The following ZBTB44 variants were observed in gnomAD, a reference collection of about 807,000 sequenced individuals.
The protein encoded by ZBTB44 is zinc finger and BTB domain containing 44.
A neutral mutation model predicts 54.0 loss-of-function variants in ZBTB44; 15 were observed. The observed-to-expected ratio is 0.28, with a 90% CI of 0.19 to 0.43. ZBTB44 has a LOEUF of 0.43. ZBTB44 is among the 20% of genes least tolerant of loss of function. The probability of loss-of-function intolerance (pLI) is 1.00; values close to 1 mark genes in which losing one functional copy is unlikely to be tolerated. For synonymous variants in ZBTB44, 230 were observed against 250.1 expected (o/e 0.92, Z 0.76); for missense variants, 487 against 707.1 (o/e 0.69, Z 3.53).
intron 1 of ZBTB44, among the ~76,000 whole-genome samples, chr11:130,312,062 A>C (rs1189142554): frequency 6.6e-6 from 1 of 152,244 alleles, no homozygotes; most frequent in African/African-American, 2.4e-5. Context: ...CCAGCTCTTT[A>C]CTATGAATAT....
chr11:130,233,727 G>A (rs1422209636), intron 6 of ZBTB44: 62 of 1,171,294 alleles, frequency 5.3e-5, no homozygotes, highest in Non-Finnish European at 5.7e-5. Context: ...GAAGGAACTG[G>A]TATATGTTTT....
At chr11:130,288,946 A>C (rs1237558087) in intron 1 of ZBTB44, among the ~76,000 whole-genome samples, 1 of 152,070 alleles carries the variant, frequency 6.6e-6, no homozygotes, top group African/African-American at 2.4e-5. Flanking sequence ...AGGAATTTGT[A>C]GACAAGAACT....
At chr11:130,271,741 G>A (rs957172270) in intron 1 of ZBTB44, among the ~76,000 whole-genome samples, 1 of 152,120 alleles carries the variant, frequency 6.6e-6, no homozygotes, top group Admixed American at 6.6e-5. Flanking sequence ...GACACGAGTT[G>A]TTTCCAGTTT....
intron 1 of ZBTB44, chr11:130,295,977 C>T (rs1379515205): frequency 5.8e-6 from 9 of 1,544,082 alleles, no homozygotes; most frequent in South Asian, 1.1e-5. Flanking sequence ...CCACACCAGG[C>T]CGTCTGCTGT....
rs1006051903 is a variant in ZBTB44 at position 130,228,276 on chromosome 11, A to G, written c.*3488T>C. The G allele has an allele frequency of 6.6e-6, 1 of 152,242 alleles. No individual in the cohort carries two copies. The highest frequency in any genetic ancestry group is 1.5e-5 in the Non-Finnish European group (1 of 68,044). The allele number at this position is 152,242 out of a possible 1,614,324, so 9.4% of individuals were successfully genotyped here. On this transcript the variant is annotated 3_prime_UTR_variant, in exon 8 of 8. Coordinates refer to ENST00000357899, the MANE Select transcript of ZBTB44 (RefSeq NM_001301098.2). ...CCTTGAGATATAAGCATTAGAAGTC[A>G]TCACTTTGTACAAGGAAGAAAATGA... is the stretch of plus-strand genomic sequence containing the variant.
At chr11:130,240,328 C>T (rs564556) in intron 2 of ZBTB44, among the ~76,000 whole-genome samples, 1 of 151,860 alleles carries the variant, frequency 6.6e-6, no homozygotes, top group African/African-American at 2.4e-5. Context: ...GCGTGAGCCA[C>T]CGCACCCAGC....
chr11:130,256,306 C>T (rs1938440956), intron 2 of ZBTB44, among the ~76,000 whole-genome samples: 2 of 152,168 alleles, frequency 1.3e-5, no homozygotes, highest in Non-Finnish European at 1.5e-5. Context: ...GATCAATAAA[C>T]GTAATCCATC....
At position 130,311,988 on chromosome 11, in the gene ZBTB44, TGA is replaced by T. The variant is rs530368969; in HGVS notation, c.-57+2385_-57+2386del. Among the ~76,000 whole-genome samples the T allele has an allele frequency of 1.1e-3, 174 of 152,284 alleles. 2 individuals are homozygous for T. The highest frequency in any genetic ancestry group is 2.7e-3 in the Admixed American group (41 of 15,294). On this transcript the variant is annotated intron_variant, in intron 1 of 7. Transcript: ENST00000357899. ...AAAACAAGGAATAAATTAAAACCCA[TGA>T]GAGTCTGAAGTGGTATCATTCACCC...
In ZBTB44 at chr11:130,260,995, T is replaced by C; in HGVS notation, c.879A>G (p.Arg293=). 3.1e-6 allele frequency: 5 copies of C among 1,613,994 alleles called. No individual in the cohort carries two copies. Among genetic ancestry groups the C allele is most frequent in the Non-Finnish European group, 4.2e-6 (5 of 1,179,888 alleles). Residue 293 remains arginine (R), a synonymous_variant, in exon 2 of 8, where the codon AGA becomes AGG. Transcript: ENST00000357899. The part of the protein sequence containing the change: ...TEEDVRVKVE[R]LSDEEVHEEV... ...CCTCATGGACCTCCTCATCACTTAA[T>C]CTTTCTACTTTGACCCGGACATCTT...
At position 130,261,635 on chromosome 11, in the gene ZBTB44, G is replaced by A; in HGVS notation, c.239C>T (p.Thr80Ile). Residue 80 changes from threonine to isoleucine, a missense_variant, in exon 2 of 8, where the codon ACT becomes ATT. By Grantham distance (89) the Thr-to-Ile change is moderately conservative. Transcript: ENST00000357899. This position sits in a 1 kb window ranked among gnomAD's most constrained non-coding sequence, Gnocchi z 4.8. ...ATATTCTAAAAGAGGTATAAAGCCAGTCACTGTAACATGATGCAGATCCAA... is the reference window on the plus strand; with the variant it reads ...ATATTCTAAAAGAGGTATAAAGCCAATCACTGTAACATGATGCAGATCCAA... Reference protein sequence around the residue: ...NVLDLHHVTVTGFIPLLEYAY... With the variant: ...NVLDLHHVTVIGFIPLLEYAY... 1 of 1,614,068 alleles carries A rather than the reference G, an allele frequency of 6.2e-7. No individual in the cohort carries two copies. The highest frequency in any genetic ancestry group is 8.5e-7 in the Non-Finnish European group (1 of 1,179,904).
At position 130,236,795 on chromosome 11, in the gene ZBTB44, G is replaced by A; in HGVS notation, c.1566C>T (p.Ser522=). 7.5e-7 allele frequency: 1 copy of A among 1,340,034 alleles called. No individual in the cohort carries two copies. The highest frequency in any genetic ancestry group is 2.0e-5 in the South Asian group (1 of 50,960). 83.0% of individuals were successfully genotyped at this position (1,340,034 alleles called of 1,614,324 possible). A position where few individuals can be genotyped will look rare whatever the true frequency, so the allele number is the denominator to read the frequency against. Residue 522 remains serine, a splice_region_variant and synonymous_variant, in exon 5 of 8, where the codon AGC becomes AGT. Coordinates refer to ENST00000357899, the MANE Select transcript of ZBTB44 (RefSeq NM_001301098.2). The stretch of plus-strand genomic sequence containing the variant: ...TGGGTTTTCGTTGTGCACCTCACCT[G>A]CTCTGGAAGTAGTTTGCTAGCTCTG... The part of the protein sequence containing the change: ...EASELANYFQ[S]SDFLVPDYLN...
chr11:130,242,413 C>G (rs1954408346), intron 2 of ZBTB44, among the ~76,000 whole-genome samples: 1 of 152,192 alleles, frequency 6.6e-6, no homozygotes, highest in African/African-American at 2.4e-5. Flanking sequence ...TTTACCTCTG[C>G]CTTTGCTGTT....
intron 1 of ZBTB44, chr11:130,295,674 G>T (rs569610748): frequency 7.5e-7 from 1 of 1,328,190 alleles, no homozygotes; most frequent in African/African-American, 1.5e-5. Flanking sequence ...AATTCAGCAT[G>T]AAAGTATCAG....
Position 130,239,818 on chromosome 11 carries a change from T to C in ZBTB44, c.1097A>G (p.Asp366Gly). The C allele has an allele frequency of 1.2e-6, 2 of 1,611,968 alleles. No individual in the cohort carries two copies. Among genetic ancestry groups the C allele is most frequent in the Non-Finnish European group, 1.7e-6 (2 of 1,178,676 alleles). The change falls in exon 3 of 8, where the codon GAT becomes GGT. Residue 366 changes from aspartate to glycine, a missense_variant. Around this residue, in one of 3 missense-constraint regions of ZBTB44, gnomAD observed 277 missense variants for 306.5 expected, o/e 0.90. Coordinates refer to ENST00000357899, the MANE Select transcript of ZBTB44 (RefSeq NM_001301098.2). ...TSSTNAPPDD[D>G]DRLENVQYPY... ...ATGCTATGTTAGTACTGACCGATCA[T>C]CATCATCCGGAGGAGCATTAGTGCT...
chr11:130,302,626 A>C (rs1942046451), intron 1 of ZBTB44, among the ~76,000 whole-genome samples: 1 of 152,176 alleles, frequency 6.6e-6, no homozygotes, highest in African/African-American at 2.4e-5. Flanking sequence ...AAAAGGAGAA[A>C]AAGCTGTAAG....
chr11:130,267,467 A>G (rs11222019), intron 1 of ZBTB44, among the ~76,000 whole-genome samples: 12 of 151,956 alleles, frequency 7.9e-5, no homozygotes, highest in Non-Finnish European at 1.3e-4. Flanking sequence ...GTACAGTGGC[A>G]TGATCATGGC....
At chr11:130,291,653 G>T (rs1338177675) in intron 1 of ZBTB44, among the ~76,000 whole-genome samples, 1 of 152,130 alleles carries the variant, frequency 6.6e-6, no homozygotes, top group African/African-American at 2.4e-5. Context: ...TGGTAGTTCT[G>T]TTGGGACTCA....
At chr11:130,251,280 G>T (rs1009367372) in intron 2 of ZBTB44, among the ~76,000 whole-genome samples, 3 of 152,202 alleles carry the variant, frequency 2.0e-5, no homozygotes, top group South Asian at 2.1e-4. Context: ...AAGCCTCCAA[G>T]AAATATGGGA....
rs565018280 is a variant in ZBTB44 at position 130,273,337 on chromosome 11, C to G, written c.-56-11408G>C. Among the ~76,000 whole-genome samples the G allele has an allele frequency of 3.2e-3, 401 of 124,622 alleles. 2 individuals are homozygous for G. The highest frequency in any genetic ancestry group is 0.011 in the African/African-American group (366 of 34,094). The allele number at this position is 124,622 out of a possible 152,430, so 81.8% of individuals were successfully genotyped here. A position where few individuals can be genotyped will look rare whatever the true frequency, so the allele number is the denominator to read the frequency against. ...TTTTTTTTTTTTTTTGAGACAGAGT[C>G]TCACTCTGCTGCCCCAGGCTGGAGT... On this transcript the variant is annotated intron_variant, in intron 1 of 7. Transcript: ENST00000357899.
Sources: allele counts gnomAD v4.1 joint callset (sites outside exome capture counted in the v4.1 genomes callset), GRCh38; gene constraint gnomAD v4.1.1; regional missense constraint gnomAD v4.1.1; non-coding constraint Gnocchi (gnomAD v3.1); transcripts MANE v1.5; gene names NCBI Gene and HGNC (gene_info 2026-07-23, HGNC 2026-07-21).